BRWD3: variants seen among roughly 807,000 people sequenced by gnomAD.
BRWD3 encodes bromodomain and WD repeat-containing protein 3.
Under a neutral mutation model 149.7 loss-of-function variants are expected in BRWD3, and 10 were observed. The observed-to-expected ratio is 0.07, with a 90% CI of 0.04 to 0.11. The LOEUF (loss-of-function observed/expected upper bound fraction) is 0.11, where lower values mean the gene tolerates loss of function less well. BRWD3 is among the 10% of genes least tolerant of loss of function. The pLI is 1.00. For missense variants in BRWD3, 940 were observed against 1,373.2 expected, an observed-to-expected ratio of 0.68 and a Z score of 4.99; for synonymous variants, 504 against 456.7, an observed-to-expected ratio of 1.10 and a Z score of -1.32.
intron 18 of BRWD3, among the ~76,000 whole-genome samples, chrX:80,718,367 A>C (rs1417395821): frequency 8.9e-6 from 1 of 112,299 alleles, no homozygotes; most frequent in Non-Finnish European, 1.9e-5. Flanking sequence ...GTTAAATGTC[A>C]GAAAAATTTC....
In BRWD3 at chrX:80,675,126, C is replaced by T. The variant is rs989709633; in HGVS notation, c.*1483G>A. The T allele has an allele frequency of 9.0e-6, 1 of 111,573 alleles. No individual in the cohort carries two copies. Among genetic ancestry groups the T allele is most frequent in the African/African-American group, 3.2e-5 (1 of 30,776 alleles). 9.2% of individuals were successfully genotyped at this position (111,573 alleles called of 1,213,427 possible). A position where few individuals can be genotyped will look rare whatever the true frequency, so the allele number is the denominator to read the frequency against. ...GTAATATTAAATTTGGGGAGTAAAA[C>T]TGACCTTGGAACTCAAGCTCACTTA... On this transcript the variant is annotated 3_prime_UTR_variant, in exon 41 of 41. Transcript: ENST00000373275.
At chrX:80,723,599 A>G (rs1286522758) in intron 16 of BRWD3, 149 bp downstream of exon 16, 1 of 578,531 alleles carries the variant, frequency 1.7e-6, no homozygotes, top group Non-Finnish European at 2.7e-6. Context: ...TGCAGATCAC[A>G]ATTGAGAACC....
At chrX:80,700,132 C>T (rs188057445) in intron 24 of BRWD3, 68 bp from the exon 25 acceptor site, 365 of 731,515 alleles carry the variant, frequency 5.0e-4, no homozygotes, top group Non-Finnish European at 3.5e-4. Context: ...AATATACATT[C>T]CTACAAACAT....
chrX:80,762,996 A>G (rs1426650596), intron 6 of BRWD3, among the ~76,000 whole-genome samples: 2 of 111,157 alleles, frequency 1.8e-5, no homozygotes, highest in Non-Finnish European at 3.8e-5. Context: ...GATCGCTACT[A>G]TAAAGAAAAT....
At chrX:80,696,350 C>A (rs1054870362) in intron 26 of BRWD3, among the ~76,000 whole-genome samples, 1 of 110,683 alleles carries the variant, frequency 9.0e-6, no homozygotes, top group African/African-American at 3.3e-5. Flanking sequence ...ATAAAAGCAA[C>A]CACCATGTTT....
chrX:80,764,312 A>AT (rs78431326), intron 6 of BRWD3, among the ~76,000 whole-genome samples: 3 of 108,290 alleles, frequency 2.8e-5, no homozygotes, highest in South Asian at 7.7e-4. Flanking sequence ...TAGGCAAAGA[A>AT]TTTTTTTTTT....
At chrX:80,745,843 C>T in intron 6 of BRWD3, 114 bp from the exon 7 acceptor site, 1 of 715,794 alleles carries the variant, frequency 1.4e-6, no homozygotes, top group Non-Finnish European at 2.1e-6. Context: ...GCAATTCTGC[C>T]CTGTGAGAAG....
At chrX:80,747,116 AT>A (rs1332702547) in intron 6 of BRWD3, among the ~76,000 whole-genome samples, 2 of 110,042 alleles carry the variant, frequency 1.8e-5, no homozygotes, top group Non-Finnish European at 3.8e-5. Flanking sequence ...TGGTACCCTA[AT>A]TTGGGACTTC....
intron 6 of BRWD3, among the ~76,000 whole-genome samples, chrX:80,753,713 C>T (rs181192117): frequency 1.2e-4 from 13 of 111,823 alleles, no homozygotes; most frequent in Admixed American, 1.1e-3. Context: ...GTTAGAGATA[C>T]GGGTCCAGTT....
chrX:80,764,844 T>C (rs2073841791), intron 6 of BRWD3, among the ~76,000 whole-genome samples: 1 of 111,251 alleles, frequency 9.0e-6, no homozygotes, highest in Non-Finnish European at 1.9e-5. Context: ...AATAATCTAA[T>C]TAAAAATGGG....
chrX:80,712,787 T>A (rs1429314176), intron 20 of BRWD3, among the ~76,000 whole-genome samples: 1 of 107,908 alleles, frequency 9.3e-6, no homozygotes, highest in Non-Finnish European at 1.9e-5. Flanking sequence ...GAGGAGCATC[T>A]CTGCCCGGCC....
At chrX:80,753,297 G>A (rs1174717649) in intron 6 of BRWD3, among the ~76,000 whole-genome samples, 1 of 101,061 alleles carries the variant, frequency 9.9e-6, no homozygotes, top group Admixed American at 1.1e-4. Context: ...TTTAGATGGA[G>A]TTTCACTCGT....
intron 8 of BRWD3, among the ~76,000 whole-genome samples, chrX:80,742,572 T>C (rs1456863524): frequency 1.8e-5 from 2 of 110,302 alleles, no homozygotes; most frequent in African/African-American, 3.3e-5. Context: ...TTTTATTTCA[T>C]TGAGCAGTGG....
intron 4 of BRWD3, among the ~76,000 whole-genome samples, chrX:80,796,550 C>A (rs2074241817): frequency 9.0e-6 from 1 of 111,653 alleles, no homozygotes; most frequent in African/African-American, 3.3e-5. Flanking sequence ...ATTCAGAATT[C>A]TGGTAACATG....
chrX:80,792,374 A>G (rs2074190801), intron 5 of BRWD3, among the ~76,000 whole-genome samples: 1 of 112,393 alleles, frequency 8.9e-6, no homozygotes, highest in South Asian at 3.6e-4. Flanking sequence ...ACTTGGGTAC[A>G]TGTTCGTATT....
chrX:80,689,877 T>G, intron 32 of BRWD3, 31 bp from the exon 33 acceptor site: 1 of 1,173,408 alleles, frequency 8.5e-7, no homozygotes, highest in Non-Finnish European at 1.2e-6. Context: ...AAAGCTTCAG[T>G]AATTTTTACA....
At chrX:80,687,098 GTGTA>G (rs2147684540) in intron 34 of BRWD3, 95 bp from the exon 35 acceptor site, 20 of 487,581 alleles carry the variant, frequency 4.1e-5, no homozygotes, top group Admixed American at 1.9e-4. Flanking sequence ...ATCTGTATGT[GTGTA>G]TATATATATA....
At chrX:80,772,395 A>G (rs1409631422) in intron 6 of BRWD3, among the ~76,000 whole-genome samples, 3 of 111,146 alleles carry the variant, frequency 2.7e-5, no homozygotes, top group Non-Finnish European at 5.7e-5. Flanking sequence ...GCATGTTCTC[A>G]CTCATAGGTG....
intron 6 of BRWD3, among the ~76,000 whole-genome samples, chrX:80,755,504 C>G (rs2073726708): frequency 1.8e-5 from 2 of 111,638 alleles, no homozygotes; most frequent in Non-Finnish European, 3.8e-5. Flanking sequence ...GCTATTACTA[C>G]TTGAAACTGA....
Sources: gnomAD v4.1 joint callset for allele counts (sites outside exome capture counted in the v4.1 genomes callset) on GRCh38, gnomAD v4.1.1 for gene constraint, MANE v1.5 for transcripts, NCBI Gene and HGNC (gene_info 2026-07-23, HGNC 2026-07-21) for gene names.